DNER: variants seen among roughly 807,000 people sequenced by gnomAD.
DNER encodes delta and Notch-like epidermal growth factor-related receptor.
A neutral mutation model predicts 78.2 loss-of-function variants in DNER; 33 were observed. The ratio of observed to expected loss-of-function variants is 0.42; its 90% CI spans 0.32 to 0.56. DNER has a LOEUF of 0.56. Ranked by LOEUF, DNER falls within the 20% of genes least tolerant of loss-of-function variation. The pLI, the probability that DNER is intolerant of heterozygous loss-of-function variation, is 0.11. For synonymous variants in DNER, 417 were observed against 384.8 expected (o/e 1.08, Z -0.98); for missense variants, 918 against 975.3 (o/e 0.94, Z 0.78).
chr2:229,487,283 G>C (rs2154211599), intron 6 of DNER, among the ~76,000 whole-genome samples: 1 of 152,222 alleles, frequency 6.6e-6, no homozygotes, highest in Non-Finnish European at 1.5e-5. Flanking sequence ...CAGAGCCAGG[G>C]ACACTATAAA....
At chr2:229,560,795 A>G (rs749233651) in intron 4 of DNER, among the ~76,000 whole-genome samples, 8 of 152,164 alleles carry the variant, frequency 5.3e-5, no homozygotes, top group Non-Finnish European at 7.3e-5. Flanking sequence ...GAGGCTTACT[A>G]ACATACCTCA....
intron 1 of DNER, among the ~76,000 whole-genome samples, chr2:229,621,013 T>G (rs1698243103): frequency 6.6e-6 from 1 of 152,214 alleles, no homozygotes; most frequent in Admixed American, 6.5e-5. Flanking sequence ...AAATATCTGC[T>G]GTTTAAGCCA....
intron 4 of DNER, among the ~76,000 whole-genome samples, chr2:229,577,333 T>C (rs1697320814): frequency 6.6e-6 from 1 of 152,154 alleles, no homozygotes; most frequent in African/African-American, 2.4e-5. Context: ...CCTGACATTA[T>C]GAGAATGAAA....
chr2:229,360,191 A>G (rs1692180048), intron 12 of DNER, among the ~76,000 whole-genome samples: 1 of 152,198 alleles, frequency 6.6e-6, no homozygotes, highest in African/African-American at 2.4e-5. Flanking sequence ...AGATGCAAAC[A>G]TTTTGACAAT....
intron 11 of DNER, among the ~76,000 whole-genome samples, chr2:229,387,527 GAA>G (rs1207628107): frequency 7.9e-6 from 1 of 126,600 alleles, no homozygotes; most frequent in Non-Finnish European, 1.7e-5. Flanking sequence ...AAGAAAGAAA[GAA>G]AGAAAGAAAG....
chr2:229,581,378 C>T (rs1407549269), intron 4 of DNER, among the ~76,000 whole-genome samples: 8 of 152,134 alleles, frequency 5.3e-5, no homozygotes, highest in African/African-American at 1.7e-4. Flanking sequence ...TGAGCACCTC[C>T]GATGCTCCCC....
At chr2:229,398,952 A>G (rs995673712) in intron 10 of DNER, among the ~76,000 whole-genome samples, 2 of 152,158 alleles carry the variant, frequency 1.3e-5, no homozygotes, top group East Asian at 3.9e-4. Flanking sequence ...CTAAAAAAAA[A>G]CACTACAGCT....
rs146098212 is a variant in DNER at position 229,367,091 on chromosome 2, C to T, written c.1884G>A (p.Ala628=). Residue 628 remains alanine (A), a synonymous_variant, in exon 12 of 13, where the codon GCG becomes GCA. Transcript: ENST00000341772. ...IHLQWKSGHM[A]ESLTNMPRHS... The stretch of plus-strand genomic sequence containing the variant: ...GCCGTGGCATGTTGGTGAGGCTCTC[C>T]GCCATGTGCCCGGACTTCCATTGGA... The T allele has an allele frequency of 1.5e-4, 250 of 1,614,092 alleles. No homozygotes were observed. The African/African-American group carries it at 2.3e-3, about 15-fold the overall frequency.
chr2:229,713,140 T>G (rs1402673889), intron 1 of DNER, among the ~76,000 whole-genome samples: 2 of 152,164 alleles, frequency 1.3e-5, no homozygotes, highest in Non-Finnish European at 2.9e-5. Context: ...TCGTCCATAT[T>G]CATGTGGTTT....
At chr2:229,652,587 C>T (rs1698839304) in intron 1 of DNER, among the ~76,000 whole-genome samples, 1 of 152,100 alleles carries the variant, frequency 6.6e-6, no homozygotes, top group South Asian at 2.1e-4. Flanking sequence ...AAAGAGATAC[C>T]ACAAAGGGAG....
chr2:229,589,859 A>C lies in DNER; in HGVS notation c.586-1371T>G, dbSNP rs947806123. On this transcript the variant is annotated intron_variant, in intron 2 of 12. Coordinates refer to ENST00000341772, the MANE Select transcript of DNER (RefSeq NM_139072.4). ...GTTCACAGTTTTTTAGGTAAGCTAA[A>C]AACATTGCCCTGCAGTCTGAATGTG... Among the ~76,000 whole-genome samples the C allele has an allele frequency of 4.6e-5, 7 of 152,202 alleles. No homozygotes were observed. The East Asian group carries it at 1.3e-3, about 29-fold the overall frequency.
chr2:229,532,769 T>C (rs1312243907), intron 5 of DNER, among the ~76,000 whole-genome samples: 2 of 152,268 alleles, frequency 1.3e-5, no homozygotes, highest in Non-Finnish European at 2.9e-5. Context: ...AGAAGATTTC[T>C]ATAATTTTAA....
chr2:229,706,639 T>A (rs1309777451), intron 1 of DNER, among the ~76,000 whole-genome samples: 1 of 152,182 alleles, frequency 6.6e-6, no homozygotes, highest in African/African-American at 2.4e-5. Context: ...CTGGAACATG[T>A]AAGCAGCCAC....
At chr2:229,554,987 AAGG>A (rs1696831671) in intron 4 of DNER, among the ~76,000 whole-genome samples, 1 of 150,156 alleles carries the variant, frequency 6.7e-6, no homozygotes, top group Non-Finnish European at 1.5e-5. Flanking sequence ...AAGGGAAGGG[AAGG>A]GAGAAAGGAA....
chr2:229,653,491 C>A (rs1028672387), intron 1 of DNER, among the ~76,000 whole-genome samples: 7 of 152,308 alleles, frequency 4.6e-5, no homozygotes, highest in African/African-American at 1.4e-4. Flanking sequence ...TACAGTTTTT[C>A]TTCTCAGTGG....
intron 4 of DNER, among the ~76,000 whole-genome samples, chr2:229,553,045 G>A (rs552046354): frequency 2.6e-5 from 4 of 152,286 alleles, no homozygotes; most frequent in South Asian, 4.1e-4. Flanking sequence ...CCAGGCCATC[G>A]CATCCTAGAG....
intron 1 of DNER, among the ~76,000 whole-genome samples, chr2:229,682,108 GC>G (rs1699397572): frequency 6.6e-6 from 1 of 152,086 alleles, no homozygotes; most frequent in Non-Finnish European, 1.5e-5. Flanking sequence ...ACAATTTTGA[GC>G]CTGAAGGCCA....
At chr2:229,700,088 C>G (rs1699719456) in intron 1 of DNER, among the ~76,000 whole-genome samples, 2 of 151,892 alleles carry the variant, frequency 1.3e-5, no homozygotes, top group Admixed American at 1.3e-4. Flanking sequence ...AAAAAATCTT[C>G]CCTCATTCAT....
At chr2:229,666,326 A>T in intron 1 of DNER, among the ~76,000 whole-genome samples, 1 of 152,202 alleles carries the variant, frequency 6.6e-6, no homozygotes, top group East Asian at 1.9e-4. Context: ...CCCATTTCCA[A>T]AAACAATCTG....
Sources: allele counts gnomAD v4.1 joint callset (sites outside exome capture counted in the v4.1 genomes callset), GRCh38; gene constraint gnomAD v4.1.1; transcripts MANE v1.5; gene names NCBI Gene and HGNC (gene_info 2026-07-23, HGNC 2026-07-21).